CCT8: variants seen among roughly 807,000 people sequenced by gnomAD.
The protein encoded by CCT8 is T-complex protein 1 subunit theta.
CCT8 carries 10 observed loss-of-function variants against 65.7 expected under a neutral mutation model. The ratio of observed to expected loss-of-function variants is 0.15; its 90% CI spans 0.09 to 0.26. The LOEUF (loss-of-function observed/expected upper bound fraction) is 0.26. CCT8 is among the 10% of genes least tolerant of loss of function. The probability of loss-of-function intolerance (pLI) is 1.00; values close to 1 mark genes in which losing one functional copy is unlikely to be tolerated. For missense variants in CCT8, 568 were observed against 669.1 expected, an observed-to-expected ratio of 0.85 and a Z score of 1.67; for synonymous variants, 199 against 221.8, an observed-to-expected ratio of 0.90 and a Z score of 0.92.
intron 1 of CCT8, chr21:29,072,133 A>G (rs1190252091): frequency 3.3e-6 from 2 of 602,188 alleles, no homozygotes; most frequent in South Asian, 4.0e-5. Context: ...GGCTTCTCTC[A>G]CTAAGCACTG....
intron 4 of CCT8, 70 bp downstream of exon 4, chr21:29,067,486 A>C (rs1409488908): frequency 1.2e-5 from 15 of 1,231,258 alleles, no homozygotes; most frequent in East Asian, 2.9e-5. Context: ...TAATGATTTT[A>C]GTTTATGTTT....
chr21:29,063,712 C>A (rs1211656426), intron 7 of CCT8, among the ~76,000 whole-genome samples, 182 bp from the exon 8 acceptor site: 1 of 152,162 alleles, frequency 6.6e-6, no homozygotes, highest in Non-Finnish European at 1.5e-5. Context: ...GCTTCTAGAA[C>A]CCCCTGTCAA....
chr21:29,060,817 C>T (rs1384662409), intron 13 of CCT8, among the ~76,000 whole-genome samples, 157 bp from the exon 14 acceptor site: 2 of 152,194 alleles, frequency 1.3e-5, no homozygotes, highest in African/African-American at 4.8e-5. Context: ...AGGATTGGTT[C>T]TAGCACCTCC....
At chr21:29,070,118 T>C (rs927745753) in intron 2 of CCT8, 129 bp downstream of exon 2, 13 of 496,224 alleles carry the variant, frequency 2.6e-5, no homozygotes, top group African/African-American at 2.6e-4. Flanking sequence ...AAATTGGAAA[T>C]GAACTATCAT....
chr21:29,064,039 G>GT (rs1451487300), intron 7 of CCT8, among the ~76,000 whole-genome samples: 3 of 152,150 alleles, frequency 2.0e-5, no homozygotes, highest in African/African-American at 7.2e-5. Context: ...GATTACAGGC[G>GT]TGAGATACCG....
chr21:29,070,992 C>T (rs947573380), intron 1 of CCT8, among the ~76,000 whole-genome samples: 2 of 152,220 alleles, frequency 1.3e-5, no homozygotes, highest in South Asian at 4.1e-4. Context: ...TATTGAAAAG[C>T]GAACTGCTCA....
chr21:29,069,606 A>T (rs1337217020), intron 2 of CCT8, 104 bp from the exon 3 acceptor site: 1 of 620,466 alleles, frequency 1.6e-6, no homozygotes, highest in Non-Finnish European at 2.7e-6. Flanking sequence ...TTTGTATATT[A>T]AAAAAAGAGC....
intron 1 of CCT8, chr21:29,073,167 G>A (rs2085702203): frequency 2.7e-6 from 2 of 734,662 alleles, no homozygotes; most frequent in Non-Finnish European, 3.4e-6. Flanking sequence ...CAGTTCTCAA[G>A]ACAATTTCAT....
chr21:29,062,051 A>G, intron 11 of CCT8, 77 bp downstream of exon 11: 2 of 933,700 alleles, frequency 2.1e-6, no homozygotes, highest in South Asian at 2.7e-5. Context: ...GATGTGCAAG[A>G]GTCTGCAAAC....
intron 8 of CCT8, 116 bp from the exon 9 acceptor site, chr21:29,062,672 G>C (rs971603353): frequency 1.4e-5 from 11 of 777,250 alleles, no homozygotes; most frequent in Non-Finnish European, 2.1e-5. Context: ...TTTGACAATG[G>C]ATTTTAACTC....
At chr21:29,064,674 G>A (rs1378170873) in intron 7 of CCT8, among the ~76,000 whole-genome samples, 2 of 151,988 alleles carry the variant, frequency 1.3e-5, no homozygotes, top group African/African-American at 4.8e-5. Flanking sequence ...CTTTATTTTC[G>A]TGAAGAGCAC....
At chr21:29,058,507 G>A (rs930792240) in intron 14 of CCT8, among the ~76,000 whole-genome samples, 2 of 151,974 alleles carry the variant, frequency 1.3e-5, no homozygotes, top group African/African-American at 4.8e-5. Context: ...ATAATCAAAA[G>A]TGCTCATTAA....
At chr21:29,065,398 A>G (rs1002654858) in intron 6 of CCT8, among the ~76,000 whole-genome samples, 7 of 152,338 alleles carry the variant, frequency 4.6e-5, no homozygotes, top group African/African-American at 1.4e-4. Flanking sequence ...CTTGGTGCCA[A>G]TATACCAGCC....
At chr21:29,058,883 C>T (rs1047916875) in intron 14 of CCT8, among the ~76,000 whole-genome samples, 2 of 152,026 alleles carry the variant, frequency 1.3e-5, no homozygotes, top group African/African-American at 2.4e-5. Flanking sequence ...TGAGCCACCG[C>T]GCCTGGCCTC....
intron 8 of CCT8, 121 bp from the exon 9 acceptor site, chr21:29,062,677 T>A: frequency 1.3e-6 from 1 of 757,830 alleles, no homozygotes; most frequent in Non-Finnish European, 2.1e-6. Context: ...CAATGGATTT[T>A]AACTCAGAAC....
chr21:29,068,871 T>C (rs1313848495), intron 3 of CCT8, among the ~76,000 whole-genome samples: 1 of 152,240 alleles, frequency 6.6e-6, no homozygotes, highest in Admixed American at 6.5e-5. Flanking sequence ...TCAGGAAAAT[T>C]CCCTGAGGTT....
At chr21:29,072,832 T>A (rs1197019235) in intron 1 of CCT8, among the ~76,000 whole-genome samples, 3 of 152,242 alleles carry the variant, frequency 2.0e-5, no homozygotes. Context: ...TAAACAAAAG[T>A]GTTATCTGCA....
rs2085702991 is a variant in CCT8 at position 29,073,232 on chromosome 21, C to A, written c.60+299G>T. The A allele has an allele frequency of 2.3e-6, 3 of 1,281,136 alleles. No individual in the cohort carries two copies. In the South Asian group the frequency reaches 5.5e-5, roughly 23 times the overall value. The allele number at this position is 1,281,136 out of a possible 1,614,324, so 79.4% of individuals were successfully genotyped here. On this transcript the variant is annotated intron_variant, in intron 1 of 14. Coordinates refer to ENST00000286788, the MANE Select transcript of CCT8 (RefSeq NM_006585.4). ...TCCTTTAAGGGTGACGGGCCTTAGCCCCATTTACGGATGGAGGCAAAACGC... is the reference window on the plus strand; with the variant it reads ...TCCTTTAAGGGTGACGGGCCTTAGCACCATTTACGGATGGAGGCAAAACGC...
intron 11 of CCT8, 40 bp downstream of exon 11, chr21:29,062,088 T>C: frequency 7.5e-7 from 1 of 1,338,550 alleles, no homozygotes; most frequent in Non-Finnish European, 1.1e-6. Context: ...TACAAATTAC[T>C]CAGACCTTAC....
Sources: allele counts gnomAD v4.1 joint callset (sites outside exome capture counted in the v4.1 genomes callset), GRCh38; gene constraint gnomAD v4.1.1; transcripts MANE v1.5; gene names NCBI Gene and HGNC (gene_info 2026-07-23, HGNC 2026-07-21).